The following STAB2 variants were observed in gnomAD, a reference collection of about 807,000 sequenced individuals.
The protein encoded by STAB2 is stabilin-2.
Under a neutral mutation model 338.1 loss-of-function variants are expected in STAB2, and 288 were observed. The observed-to-expected ratio is 0.85, with a 90% CI of 0.77 to 0.94. The LOEUF (loss-of-function observed/expected upper bound fraction) is 0.94, where lower values mean the gene tolerates loss of function less well. STAB2 is among the 40% of genes least tolerant of loss of function. The pLI, the probability that STAB2 is intolerant of heterozygous loss-of-function variation, is 0.00. For missense variants in STAB2, 3,141 were observed against 3,210.1 expected, an observed-to-expected ratio of 0.98 and a Z score of 0.52; for synonymous variants, 1,202 against 1,193.3, an observed-to-expected ratio of 1.01 and a Z score of -0.15.
chr12:103,611,067 T>A (rs1468910758), intron 3 of STAB2, among the ~76,000 whole-genome samples: 1 of 152,190 alleles, frequency 6.6e-6, no homozygotes, highest in Admixed American at 6.5e-5. Context: ...TTGTTATAAT[T>A]TCTGTTCTTT....
chr12:103,766,280 T>C lies in STAB2; in HGVS notation c.7606-6T>C. 2 of 1,612,362 alleles carry C rather than the reference T, an allele frequency of 1.2e-6. No individual in the cohort carries two copies. The highest frequency in any genetic ancestry group is 1.7e-6 in the Non-Finnish European group (2 of 1,179,956). Reference sequence around the variant, plus strand: ...CCCTGCCCCCTTACAACCCTCTCTTTTCCAGGACTCTGAAGAACGGCAGCT... The same window carrying C: ...CCCTGCCCCCTTACAACCCTCTCTTCTCCAGGACTCTGAAGAACGGCAGCT... On this transcript the variant is annotated splice_region_variant and splice_polypyrimidine_tract_variant and intron_variant, in intron 68 of 68. Coordinates refer to ENST00000388887, the MANE Select transcript of STAB2 (RefSeq NM_017564.10).
At chr12:103,661,746 A>C (rs1372511044) in intron 17 of STAB2, among the ~76,000 whole-genome samples, 2 of 152,204 alleles carry the variant, frequency 1.3e-5, no homozygotes, top group Non-Finnish European at 2.9e-5. Context: ...TCCGGGGGAC[A>C]TTCCAGAGGG....
chr12:103,644,789 T>C (rs1466992254), intron 9 of STAB2, among the ~76,000 whole-genome samples: 1 of 152,188 alleles, frequency 6.6e-6, no homozygotes, highest in African/African-American at 2.4e-5. Flanking sequence ...CGTACATTTT[T>C]AAATAACTGA....
Position 103,753,290 on chromosome 12 carries a change from A to G in STAB2, c.6651A>G (p.Arg2217=), listed in dbSNP as rs772585369. 11 of 1,614,136 alleles carry G rather than the reference A, an allele frequency of 6.8e-6. No homozygotes were observed. In the Admixed American group the frequency reaches 1.5e-4, roughly 22 times the overall value. The change falls in exon 61 of 69, where the codon AGA becomes AGG. Residue 2217 remains arginine (R), a synonymous_variant. Transcript: ENST00000388887. ...ATAAGCTGACCTTTGACAAAGCCAG[A>G]GAGGCCTGTGCCAACGAAGCTGCGA... ...GQYKLTFDKA[R]EACANEAATM...
chr12:103,744,070 C>T (rs183275373), intron 56 of STAB2, among the ~76,000 whole-genome samples: 354 of 152,110 alleles, frequency 2.3e-3, no homozygotes, highest in Non-Finnish European at 3.6e-3. Flanking sequence ...CCCAGGCCAG[C>T]GCTAATGGTG....
At position 103,652,624 on chromosome 12, in the gene STAB2, G is replaced by A. The variant is rs1873827055; in HGVS notation, c.1326G>A (p.Gln442=). Residue 442 remains glutamine (Q), a synonymous_variant, in exon 12 of 69, where the codon CAG becomes CAA. Transcript: ENST00000388887. ...TGAAACTCCACATAATTGCTGGTCA[G>A]ATGAACATCGAATATATGAATAACA... ...YFVKLHIIAG[Q]MNIEYMNNTD... 2 of 1,610,902 alleles carry A rather than the reference G, an allele frequency of 1.2e-6. No homozygotes were observed. The highest frequency in any genetic ancestry group is 4.5e-5 in the East Asian group (2 of 44,836).
intron 18 of STAB2, 65 bp from the exon 19 acceptor site, chr12:103,666,226 C>A: frequency 1.3e-6 from 2 of 1,524,798 alleles, no homozygotes; most frequent in Admixed American, 1.7e-5. Context: ...AAACCAGCCA[C>A]AGGACCATCG....
In STAB2 at chr12:103,732,243, A is replaced by T. The variant is rs148088826; in HGVS notation, c.5283+608A>T. On this transcript the variant is annotated intron_variant, in intron 50 of 68. Transcript: ENST00000388887. ...AGAATCACTTGAACCCAGGAAGCAGAGGTTGCAGTAAGCTGAGATCGCACC... is the reference window on the plus strand; with the variant it reads ...AGAATCACTTGAACCCAGGAAGCAGTGGTTGCAGTAAGCTGAGATCGCACC... Among the ~76,000 whole-genome samples, 314 of 152,290 alleles carry T rather than the reference A, an allele frequency of 2.1e-3. 2 individuals carry two copies. The highest frequency in any genetic ancestry group is 6.8e-3 in the African/African-American group (282 of 41,562).
At chr12:103,738,539 A>T (rs1021288603) in intron 53 of STAB2, among the ~76,000 whole-genome samples, 1 of 152,210 alleles carries the variant, frequency 6.6e-6, no homozygotes, top group Non-Finnish European at 1.5e-5. Flanking sequence ...GGCATCCCCT[A>T]GGAATTTCAA....
rs764737090 is a variant in STAB2 at position 103,733,025 on chromosome 12, T to C, written c.5303T>C (p.Val1768Ala). The change falls in exon 51 of 69, where the codon GTC (valine) becomes GCC (alanine). Residue 1768 changes from valine to alanine, a missense_variant. Physicochemically the swap from Val to Ala is moderately conservative, Grantham distance 64. Transcript: ENST00000388887. ...NLIQDSGLLS[V>A]ITDPIHTPVT... ...TTTCAGGACTCAGGTTTGCTGAGTG[T>C]CATCACCGATCCCATCCACACCCCA... 1 of 1,613,802 alleles carries C rather than the reference T, an allele frequency of 6.2e-7. No individual in the cohort carries two copies. The highest frequency in any genetic ancestry group is 1.1e-5 in the South Asian group (1 of 91,038).
At chr12:103,617,997 A>G (rs1332093445) in intron 3 of STAB2, among the ~76,000 whole-genome samples, 3 of 152,222 alleles carry the variant, frequency 2.0e-5, no homozygotes, top group Non-Finnish European at 4.4e-5. Context: ...TCCCACCTCC[A>G]TAGTACCTGC....
rs1881415069 is a variant in STAB2, at chr12:103,728,856, A to T, written c.4943A>T (p.Asp1648Val). ...AAFDEEARVKDWDKYGLMPQV... is the reference protein window; with the variant it reads ...AAFDEEARVKVWDKYGLMPQV... ...TCTGATCTTCTGTTACAGGTTAAAG[A>T]CTGGGACAAATACGGTTTAATGCCC... The change falls in exon 48 of 69, where the codon GAC (aspartate) becomes GTC (valine). Residue 1648 changes from aspartate (D) to valine (V), a missense_variant. Coordinates refer to ENST00000388887, the MANE Select transcript of STAB2 (RefSeq NM_017564.10). 6.2e-7 allele frequency: 1 copy of T among 1,613,846 alleles called. No individual in the cohort carries two copies. The highest frequency in any genetic ancestry group is 8.5e-7 in the Non-Finnish European group (1 of 1,179,866).
At chr12:103,624,892 C>T (rs1349779500) in intron 5 of STAB2, among the ~76,000 whole-genome samples, 7 of 142,148 alleles carry the variant, frequency 4.9e-5, no homozygotes, top group African/African-American at 1.3e-4. Context: ...GAGCCGAGAT[C>T]GTGCCACCAC....
intron 19 of STAB2, among the ~76,000 whole-genome samples, chr12:103,667,267 C>T (rs1875198014): frequency 6.6e-6 from 1 of 152,142 alleles, no homozygotes; most frequent in Non-Finnish European, 1.5e-5. Context: ...CTTCAGGATG[C>T]TGTCAAGCAG....
At chr12:103,698,048 G>A (rs1878549805) in intron 33 of STAB2, among the ~76,000 whole-genome samples, 1 of 152,170 alleles carries the variant, frequency 6.6e-6, no homozygotes, top group South Asian at 2.1e-4. Flanking sequence ...ACCAGATTCA[G>A]GTGCCACTGC....
intron 53 of STAB2, among the ~76,000 whole-genome samples, chr12:103,738,692 T>C (rs1260398940): frequency 6.6e-6 from 1 of 152,230 alleles, no homozygotes; most frequent in Non-Finnish European, 1.5e-5. Context: ...ATCAATCTTC[T>C]GAAGATCAAA....
intron 34 of STAB2, among the ~76,000 whole-genome samples, chr12:103,699,568 A>T (rs2138949712): frequency 6.6e-6 from 1 of 152,222 alleles, no homozygotes. Flanking sequence ...GAACAGCATG[A>T]GAAAGACCTG....
chr12:103,670,404 A>T (rs1224371909), intron 21 of STAB2, among the ~76,000 whole-genome samples: 49 of 152,182 alleles, frequency 3.2e-4, no homozygotes, highest in Admixed American at 3.2e-3. Context: ...CTCATTCTGG[A>T]GGCCCCTGTC....
At chr12:103,597,125 T>A (rs1002684986) in intron 3 of STAB2, among the ~76,000 whole-genome samples, 4 of 152,074 alleles carry the variant, frequency 2.6e-5, no homozygotes, top group Admixed American at 2.6e-4. Flanking sequence ...ATCTTCATCT[T>A]CCAAACACAC....
Sources: allele counts gnomAD v4.1 joint callset (sites outside exome capture counted in the v4.1 genomes callset), GRCh38; gene constraint gnomAD v4.1.1; transcripts MANE v1.5; gene names NCBI Gene and HGNC (gene_info 2026-07-23, HGNC 2026-07-21).